The following PAM variants were observed in gnomAD, a reference collection of about 807,000 sequenced individuals.
PAM encodes the protein peptidylglycine alpha-amidating monooxygenase.
In PAM, 72 loss-of-function variants were observed where a neutral mutation model predicts 122.1. The observed-to-expected ratio is 0.59, with a 90% CI of 0.49 to 0.72. The LOEUF is 0.72. PAM is among the 30% of genes least tolerant of loss of function. The pLI, the probability that PAM is intolerant of heterozygous loss-of-function variation, is 0.00. For missense variants in PAM, 1,106 were observed against 1,183.7 expected (o/e 0.93, Z 0.96); for synonymous variants, 389 against 404.4 (o/e 0.96, Z 0.46).
In PAM at chr5:102,830,275, G is replaced by C. The variant is rs796397824; in HGVS notation, c.-373-35548G>C. The stretch of plus-strand genomic sequence containing the variant: ...TTGTTTTTTTTCTTTGTCTTTCACA[G>C]CAGGACGATTGAAGTCATTAAGGTG... On this transcript the variant is annotated intron_variant, in intron 1 of 25. Coordinates refer to ENST00000438793, the MANE Select transcript of PAM (RefSeq NM_001177306.2). Among the ~76,000 whole-genome samples, 66 of 152,196 alleles carry C rather than the reference G, an allele frequency of 4.3e-4. 1 individual carries two copies. The highest frequency in any genetic ancestry group is 1.5e-3 in the African/African-American group (64 of 41,522).
At chr5:102,784,313 T>A (rs78274448) in intron 1 of PAM, among the ~76,000 whole-genome samples, 4,483 of 152,218 alleles carry the variant, frequency 0.029, 234 homozygotes, top group African/African-American at 0.1. Flanking sequence ...CCTGCCTATG[T>A]GCTATTGGGT....
chr5:102,951,724 A>G (rs1212751221), intron 12 of PAM, among the ~76,000 whole-genome samples: 1 of 152,128 alleles, frequency 6.6e-6, no homozygotes, highest in African/African-American at 2.4e-5. Context: ...AAGAATTTTT[A>G]TGTCACTCTA....
At chr5:103,003,247 A>C in intron 17 of PAM, 98 bp downstream of exon 17, 1 of 587,422 alleles carries the variant, frequency 1.7e-6, no homozygotes, top group Middle Eastern at 3.8e-4. Flanking sequence ...GTATAACTGC[A>C]CTTGAGAAAG....
chr5:102,836,722 C>G (rs1036739139), intron 1 of PAM, among the ~76,000 whole-genome samples: 6 of 152,058 alleles, frequency 3.9e-5, no homozygotes, highest in African/African-American at 1.5e-4. Context: ...CTAGTGCCAC[C>G]TATATGCCAT....
intron 14 of PAM, among the ~76,000 whole-genome samples, chr5:102,963,815 A>G (rs1300069825): frequency 6.6e-6 from 1 of 151,238 alleles, no homozygotes; most frequent in Non-Finnish European, 1.5e-5. Flanking sequence ...ATATGTGTGT[A>G]TATATGCACA....
At chr5:102,966,508 C>T (rs1430141560) in intron 14 of PAM, among the ~76,000 whole-genome samples, 6 of 152,074 alleles carry the variant, frequency 3.9e-5, no homozygotes, top group Non-Finnish European at 8.8e-5. Flanking sequence ...CATTTGTGAT[C>T]CTTGAGCTGG....
At chr5:102,944,814 A>G (rs1354174995) in intron 7 of PAM, among the ~76,000 whole-genome samples, 1 of 152,134 alleles carries the variant, frequency 6.6e-6, no homozygotes, top group African/African-American at 2.4e-5. Context: ...TTCTGTATCT[A>G]GCTAGTTCAG....
At chr5:102,914,726 T>C (rs1336733904) in intron 5 of PAM, among the ~76,000 whole-genome samples, 3 of 152,102 alleles carry the variant, frequency 2.0e-5, no homozygotes, top group Non-Finnish European at 4.4e-5. Flanking sequence ...GTAAGTTGTT[T>C]ACGGTAGTAA....
rs1286272649 is a variant in PAM at position 103,009,855 on chromosome 5, C to A, written c.2320C>A (p.Pro774Thr). 6.3e-7 allele frequency: 1 copy of A among 1,578,066 alleles called. No individual in the cohort carries two copies. ...TGGGGAAATTATAGACATCTTCAAG[C>A]CAGTGCGCAAGGTATTTACACACAT... ...SNGEIIDIFK[P>T]VRKHFDMPHD... The change falls in exon 21 of 26, where the codon CCA becomes ACA. Residue 774 changes from proline (P) to threonine (T), a missense_variant. Transcript: ENST00000438793.
intron 19 of PAM, 144 bp from the exon 20 acceptor site, chr5:103,007,313 T>C: frequency 1.4e-6 from 1 of 698,532 alleles, no homozygotes; most frequent in East Asian, 2.5e-5. Context: ...CATTATAAAA[T>C]AATCTTATAA....
intron 1 of PAM, among the ~76,000 whole-genome samples, chr5:102,843,242 ATC>A (rs551851260): frequency 6.6e-6 from 1 of 152,236 alleles, no homozygotes; most frequent in Non-Finnish European, 1.5e-5. Context: ...AGTGTAATGA[ATC>A]TCTTTTTATT....
chr5:103,016,594 C>G (rs1782066467), intron 21 of PAM, among the ~76,000 whole-genome samples: 1 of 152,120 alleles, frequency 6.6e-6, no homozygotes, highest in African/African-American at 2.4e-5. Context: ...AAGGATCTCC[C>G]CTGTCTCTTG....
chr5:102,758,925 A>G (rs1041590181), intron 1 of PAM, among the ~76,000 whole-genome samples: 78 of 152,326 alleles, frequency 5.1e-4, no homozygotes, highest in Middle Eastern at 3.4e-3. Flanking sequence ...AATATTTTGA[A>G]ATAGCCATTC....
chr5:102,877,645 A>G (rs917606189), intron 3 of PAM, among the ~76,000 whole-genome samples: 3 of 152,230 alleles, frequency 2.0e-5, no homozygotes, highest in Admixed American at 6.5e-5. Context: ...TTTAAAAGAA[A>G]CTAGTAATTA....
intron 1 of PAM, among the ~76,000 whole-genome samples, chr5:102,797,895 T>C (rs1050442914): frequency 7.2e-5 from 11 of 152,174 alleles, no homozygotes; most frequent in African/African-American, 1.2e-4. Context: ...CTTTTCTCTT[T>C]AGTAATTTCC....
intron 15 of PAM, among the ~76,000 whole-genome samples, chr5:102,979,477 T>G (rs1768982245): frequency 1.3e-5 from 2 of 152,140 alleles, no homozygotes; most frequent in African/African-American, 4.8e-5. Context: ...AGATGAAAAT[T>G]TACAAGTACA....
chr5:102,876,048 C>A (rs1410186965), intron 3 of PAM, among the ~76,000 whole-genome samples: 1 of 151,968 alleles, frequency 6.6e-6, no homozygotes, highest in South Asian at 2.1e-4. Context: ...CAAGAGTTCT[C>A]TTATTTGGAA....
At chr5:103,030,906 T>G (rs1048227187), downstream of PAM, 1 of 152,252 alleles carries the variant, frequency 6.6e-6, no homozygotes, top group African/African-American at 2.4e-5. Flanking sequence ...AGAATAGCTA[T>G]TCTATCTTGC....
In PAM at chr5:102,948,417, T is replaced by C. The variant is rs1757702540; in HGVS notation, c.615T>C (p.Val205=). Residue 205 remains valine (V), a synonymous_variant, in exon 9 of 26, where the codon GTT becomes GTC. Coordinates refer to ENST00000438793, the MANE Select transcript of PAM (RefSeq NM_001177306.2). The part of the protein sequence containing the change: ...LIAGMYLMMS[V]DTVIPAGEKV... ...CTGGCATGTACCTTATGATGTCTGTTGACACTGTTATCCCAGCAGGAGAAA... is the reference window on the plus strand; with the variant it reads ...CTGGCATGTACCTTATGATGTCTGTCGACACTGTTATCCCAGCAGGAGAAA... 3.1e-6 allele frequency: 5 copies of C among 1,588,232 alleles called. No individual in the cohort carries two copies. The highest frequency in any genetic ancestry group is 4.3e-6 in the Non-Finnish European group (5 of 1,158,154).
Sources: gnomAD v4.1 joint callset for allele counts (sites outside exome capture counted in the v4.1 genomes callset) on GRCh38, gnomAD v4.1.1 for gene constraint, MANE v1.5 for transcripts, NCBI Gene and HGNC (gene_info 2026-07-23, HGNC 2026-07-21) for gene names.